The following PHLPP2 variants were observed in gnomAD, a reference collection of about 807,000 sequenced individuals.
PHLPP2 encodes the protein PH domain and leucine rich repeat protein phosphatase 2, also known as PH domain leucine-rich repeat-containing protein phosphatase 2.
A neutral mutation model predicts 124.9 loss-of-function variants in PHLPP2; 66 were observed. The ratio of observed to expected loss-of-function variants is 0.53; its 90% CI spans 0.43 to 0.65. PHLPP2 has a LOEUF of 0.65. Ranked by LOEUF, PHLPP2 falls within the 30% of genes least tolerant of loss-of-function variation. The pLI, the probability that PHLPP2 is intolerant of heterozygous loss-of-function variation, is 0.00. For missense variants in PHLPP2, 1,685 were observed against 1,600.4 expected, an observed-to-expected ratio of 1.05 and a Z score of -0.90; for synonymous variants, 681 against 624.7, an observed-to-expected ratio of 1.09 and a Z score of -1.34.
At chr16:71,702,975 C>T (rs1005972966) in intron 2 of PHLPP2, among the ~76,000 whole-genome samples, 4 of 152,062 alleles carry the variant, frequency 2.6e-5, no homozygotes, top group Admixed American at 1.3e-4. Flanking sequence ...TCTGCTTTTC[C>T]AATGTCTATT....
chr16:71,684,700 A>T (rs1567621323), intron 4 of PHLPP2, 99 bp from the exon 5 acceptor site: 1 of 1,189,144 alleles, frequency 8.4e-7, no homozygotes, highest in Non-Finnish European at 1.2e-6. Context: ...ATTTTTAAAA[A>T]TAGTTATTTT....
At chr16:71,687,812 ATTAT>A (rs1357867625) in intron 4 of PHLPP2, among the ~76,000 whole-genome samples, 1 of 152,144 alleles carries the variant, frequency 6.6e-6, no homozygotes, top group Non-Finnish European at 1.5e-5. Flanking sequence ...TTTTTCAGAT[ATTAT>A]TTCTCTTTTC....
chr16:71,649,305 A>C lies in PHLPP2; in HGVS notation c.3557T>G (p.Ile1186Arg), dbSNP rs377288796. 1.2e-6 allele frequency: 2 copies of C among 1,613,892 alleles called. No homozygotes were observed. The highest frequency in any genetic ancestry group is 1.7e-6 in the Non-Finnish European group (2 of 1,179,870). Residue 1186 changes from isoleucine (I) to arginine (R), a missense_variant, in exon 19 of 19, where the codon ATA (isoleucine) becomes AGA (arginine). Transcript: ENST00000568954. Reference sequence around the variant, plus strand: ...AGAACACAGGGTAGGAGAACTCTCTATGAGAGGGGGTGAGTTCTCCAGATC... The same window carrying C: ...AGAACACAGGGTAGGAGAACTCTCTCTGAGAGGGGGTGAGTTCTCCAGATC... Reference protein sequence around the residue: ...GRDLENSPPLIESSPTLCSEE... With the variant: ...GRDLENSPPLRESSPTLCSEE...
At chr16:71,701,264 TCATCTATCTATCTATC>T in intron 3 of PHLPP2, among the ~76,000 whole-genome samples, 1 of 144,452 alleles carries the variant, frequency 6.9e-6, no homozygotes, top group East Asian at 2.0e-4. Context: ...GATAACTAAT[TCATCTATCTATCTATC>T]TATCTATCTA....
intron 3 of PHLPP2, among the ~76,000 whole-genome samples, chr16:71,695,981 C>T (rs769468917): frequency 1.3e-5 from 2 of 151,990 alleles, no homozygotes; most frequent in Non-Finnish European, 2.9e-5. Context: ...AATTAAAACA[C>T]CACAGATAAT....
At chr16:71,658,172 G>A in intron 15 of PHLPP2, 61 bp downstream of exon 15, 2 of 1,447,884 alleles carry the variant, frequency 1.4e-6, no homozygotes. Context: ...TACTAAGGAA[G>A]ACCTACACAT....
intron 8 of PHLPP2, chr16:71,676,851 C>T (rs1015602003): frequency 2.7e-4 from 142 of 527,404 alleles, no homozygotes; most frequent in Non-Finnish European, 1.4e-4. Context: ...CAGGTTAAAG[C>T]GATTCTCCTG....
intron 5 of PHLPP2, among the ~76,000 whole-genome samples, chr16:71,682,364 G>A (rs188327501): frequency 2.6e-5 from 4 of 151,962 alleles, no homozygotes; most frequent in African/African-American, 9.6e-5. Flanking sequence ...TGTATTTTTA[G>A]TAGAGACGGG....
intron 9 of PHLPP2, 115 bp from the exon 10 acceptor site, chr16:71,672,437 C>T: frequency 1.4e-6 from 1 of 737,092 alleles, no homozygotes; most frequent in South Asian, 1.6e-5. Context: ...ATGTATTCTA[C>T]CAAGATGAGC....
intron 1 of PHLPP2, among the ~76,000 whole-genome samples, chr16:71,722,132 C>A (rs574041191): frequency 4.6e-5 from 7 of 152,288 alleles, no homozygotes; most frequent in African/African-American, 2.4e-5. Flanking sequence ...CACTCAGCTA[C>A]TTAACAAAAC....
chr16:71,715,833 AAAAAAAC>A (rs1422029199), intron 1 of PHLPP2, among the ~76,000 whole-genome samples: 4 of 150,754 alleles, frequency 2.7e-5, no homozygotes, highest in Admixed American at 1.3e-4. Context: ...CAAAAAAAAA[AAAAAAAC>A]AAAAAATTAG....
At position 71,663,997 on chromosome 16, in the gene PHLPP2, G is replaced by C; in HGVS notation, c.1887C>G (p.Asn629Lys). 1 of 1,613,834 alleles carries C rather than the reference G, an allele frequency of 6.2e-7. No homozygotes were observed. Among genetic ancestry groups the C allele is most frequent in the Non-Finnish European group, 8.5e-7 (1 of 1,179,682 alleles). ...GTATGCACTGATCCGTCAGGAGATT[G>C]TTGGTCAGATAAAGCAGCTGCAGCA... ...LSMLQLLYLT[N>K]NLLTDQCIPV... Residue 629 changes from asparagine to lysine, a missense_variant, in exon 13 of 19, where the codon AAC becomes AAG. By Grantham distance (94) the Asn-to-Lys change is moderately conservative (BLOSUM62 0). Transcript: ENST00000568954.
At chr16:71,679,954 A>T (rs982616016) in intron 6 of PHLPP2, among the ~76,000 whole-genome samples, 1 of 151,990 alleles carries the variant, frequency 6.6e-6, no homozygotes, top group Non-Finnish European at 1.5e-5. Context: ...GTGGTGGCAG[A>T]CACCTGTAGT....
At chr16:71,674,162 C>T (rs1207461536) in intron 9 of PHLPP2, among the ~76,000 whole-genome samples, 1 of 151,632 alleles carries the variant, frequency 6.6e-6, no homozygotes, top group Non-Finnish European at 1.5e-5. Flanking sequence ...ACTGCAACCT[C>T]CACCTCCGGG....
chr16:71,646,555 A>C lies in PHLPP2; in HGVS notation c.*2335T>G, dbSNP rs1296598244. On this transcript the variant is annotated 3_prime_UTR_variant, in exon 19 of 19. Coordinates refer to ENST00000568954, the MANE Select transcript of PHLPP2 (RefSeq NM_015020.3). ...TTCACCATAATGAATAATTTTTATAAGACTATACTATTAAAGTGGTGTATT... is the reference window on the plus strand; with the variant it reads ...TTCACCATAATGAATAATTTTTATACGACTATACTATTAAAGTGGTGTATT... 6.6e-6 allele frequency: 1 copy of C among 152,238 alleles called. No individual in the cohort carries two copies. Among genetic ancestry groups the C allele is most frequent in the Non-Finnish European group, 1.5e-5 (1 of 68,038 alleles). 9.4% of individuals were successfully genotyped at this position (152,238 alleles called of 1,614,324 possible). A position where few individuals can be genotyped will look rare whatever the true frequency, so the allele number is the denominator to read the frequency against.
chr16:71,713,059 C>T (rs572621454), intron 2 of PHLPP2, among the ~76,000 whole-genome samples: 1 of 152,276 alleles, frequency 6.6e-6, no homozygotes, highest in South Asian at 2.1e-4. Flanking sequence ...ATTTTCTTCA[C>T]ATTTGCATAA....
intron 2 of PHLPP2, among the ~76,000 whole-genome samples, chr16:71,705,703 G>T (rs1416558897): frequency 6.6e-6 from 1 of 152,006 alleles, no homozygotes; most frequent in East Asian, 1.9e-4. Flanking sequence ...GTAGGGACAG[G>T]GTTTTATCAT....
rs541786678 is a variant in PHLPP2 at position 71,667,369 on chromosome 16, C to T, written c.1629-36G>A. 4.7e-5 allele frequency: 72 copies of T among 1,543,228 alleles called. 1 individual carries two copies. In the South Asian group the frequency reaches 8.3e-4, roughly 18 times the overall value. Reference sequence around the variant, plus strand: ...AGCATACAAACAAACACATTAAAAACTTACTTAAATCATTCTTTCTGAGGC... The same window carrying T: ...AGCATACAAACAAACACATTAAAAATTTACTTAAATCATTCTTTCTGAGGC... On this transcript the variant is annotated intron_variant, in intron 11 of 18. Transcript: ENST00000568954.
At chr16:71,650,088 G>A (rs577952264) in intron 18 of PHLPP2, 44 bp from the exon 19 acceptor site, 3 of 1,457,912 alleles carry the variant, frequency 2.1e-6, no homozygotes, top group East Asian at 2.3e-5. Context: ...AAGCAACGAT[G>A]AGAGCCAACT....
Sources: allele counts gnomAD v4.1 joint callset (sites outside exome capture counted in the v4.1 genomes callset), GRCh38; gene constraint gnomAD v4.1.1; transcripts MANE v1.5; gene names NCBI Gene and HGNC (gene_info 2026-07-23, HGNC 2026-07-21).